PRH1: variants seen among roughly 807,000 people sequenced by gnomAD.
PRH1 encodes salivary acidic proline-rich phosphoprotein 1/2.
PRH1 carries 7 observed loss-of-function variants against 7.9 expected under a neutral mutation model. The ratio of observed to expected loss-of-function variants is 0.89; its 90% CI spans 0.50 to 1.67. The LOEUF is 1.67. Among genes scored for constraint, PRH1 ranks in the 40% most tolerant of loss-of-function variants. PRH1 has a pLI of 0.00. For missense variants in PRH1, 109 were observed against 223.6 expected (o/e 0.49, Z 3.27); for synonymous variants, 45 against 80.8 (o/e 0.56, Z 2.38).
intron 2 of PRH1, among the ~76,000 whole-genome samples, chr12:10,922,303 T>C (rs1449165312): frequency 6.6e-6 from 1 of 152,232 alleles, no homozygotes; most frequent in Non-Finnish European, 1.5e-5. Flanking sequence ...ATAAAACATG[T>C]ACTAATGGAT....
At chr12:10,902,731 AAAG>A (rs1205175712) in intron 2 of PRH1, among the ~76,000 whole-genome samples, 2 of 152,312 alleles carry the variant, frequency 1.3e-5, no homozygotes, top group African/African-American at 4.8e-5. Context: ...TTCTTAAAGG[AAAG>A]AAAATTTTCC....
chr12:10,938,729 C>T lies in PRH1; in HGVS notation c.-59+34926G>A, dbSNP rs770082368. ...ATCAGAACTGCAAGTCTTGTTTCTT[C>T]TGTATCCATTGATACTGGCATTTAT... On this transcript the variant is annotated intron_variant, in intron 2 of 3. Coordinates refer to the PRH1 transcript ENST00000539853. 20 of 1,613,736 alleles carry T rather than the reference C, an allele frequency of 1.2e-5. No homozygotes were observed. In the African/African-American group the frequency reaches 1.5e-4, roughly 12 times the overall value.
chr12:10,970,559 T>G (rs953802773), intron 2 of PRH1, among the ~76,000 whole-genome samples: 20 of 141,274 alleles, frequency 1.4e-4, no homozygotes, highest in African/African-American at 5.0e-4. Flanking sequence ...AGAAAAGTTT[T>G]TTTGTTTTTT....
In PRH1 at chr12:10,958,212, C is replaced by T. The variant is rs546014522; in HGVS notation, c.-59+15443G>A. Among the ~76,000 whole-genome samples the T allele has an allele frequency of 2.6e-5, 4 of 152,128 alleles. No homozygotes were observed. The South Asian group carries it at 8.3e-4, about 32-fold the overall frequency. ...TAAAGAAAATATGGTACATACACAC[C>T]ATGGAATACTATGCAGTCATTAGAA... On this transcript the variant is annotated intron_variant, in intron 2 of 3. Coordinates refer to the PRH1 transcript ENST00000539853.
In PRH1 at chr12:10,951,608, C is replaced by T. The variant is rs117334312; in HGVS notation, c.-59+22047G>A. 7.2e-3 allele frequency among the ~76,000 whole-genome samples: 1,088 copies of T among 152,146 alleles called. 9 individuals carry two copies. The highest frequency in any genetic ancestry group is 0.013 in the Non-Finnish European group (879 of 67,970). On this transcript the variant is annotated intron_variant, in intron 2 of 3. Transcript: ENST00000539853. ...ATTTTCCTACTCATAATTTTCAGCC[C>T]ATTTTCAATATTTATCGAACTGATC...
upstream of PRH1, chr12:11,048,524 G>A (rs200173754): frequency 9.8e-6 from 4 of 408,124 alleles, no homozygotes; most frequent in East Asian, 1.1e-4. Flanking sequence ...GATGTGATTA[G>A]ACACAGAAAG....
chr12:11,096,439 T>G (rs1323016948), intron 1 of PRH1, among the ~76,000 whole-genome samples: 1 of 115,788 alleles, frequency 8.6e-6, no homozygotes, highest in East Asian at 2.1e-4. Context: ...ACGGAGAAAC[T>G]AAACCAATAT....
chr12:10,945,247 G>A (rs544212445), intron 2 of PRH1, among the ~76,000 whole-genome samples: 4 of 152,238 alleles, frequency 2.6e-5, no homozygotes, highest in East Asian at 1.9e-4. Context: ...TTATTGGTCT[G>A]TGCAGGGAAC....
rs1945475333 is a variant in PRH1 at position 11,107,953 on chromosome 12, G to A, written n.124-60765C>T. 2.0e-5 allele frequency among the ~76,000 whole-genome samples: 3 copies of A among 152,206 alleles called. No homozygotes were observed. The South Asian group carries it at 6.2e-4, about 32-fold the overall frequency. On this transcript the variant is annotated intron_variant and non_coding_transcript_variant, in intron 1 of 4. Transcript: ENST00000541977. Reference sequence around the variant, plus strand: ...GTACAATGGAGCTCCACTACATGTGGCAGCAGACTTTTCAGTGGAAAAAGG... The same window carrying A: ...GTACAATGGAGCTCCACTACATGTGACAGCAGACTTTTCAGTGGAAAAAGG...
intron 1 of PRH1, among the ~76,000 whole-genome samples, chr12:11,149,342 T>C (rs1483680485): frequency 1.3e-5 from 2 of 152,208 alleles, no homozygotes; most frequent in African/African-American, 4.8e-5. Flanking sequence ...TTGAATGTGT[T>C]TGCTCTTGCT....
intron 1 of PRH1, chr12:10,997,756 C>T (rs968134548): frequency 6.2e-7 from 1 of 1,613,912 alleles, no homozygotes; most frequent in South Asian, 1.1e-5. Context: ...CTGAGGAGAT[C>T]TTTTGTCTCT....
At chr12:11,094,167 T>C (rs1213336512) in intron 1 of PRH1, among the ~76,000 whole-genome samples, 1 of 111,258 alleles carries the variant, frequency 9.0e-6, no homozygotes, top group African/African-American at 3.0e-5. Flanking sequence ...CAGGGCATGG[T>C]GGTGTGGGCC....
intron 1 of PRH1, among the ~76,000 whole-genome samples, chr12:11,125,806 G>A (rs34708266): frequency 0.37 from 39,020 of 104,476 alleles, 3,893 homozygotes; most frequent in East Asian, 0.65. Context: ...GCAAAATACA[G>A]ATGTGCAAAA....
intron 1 of PRH1, among the ~76,000 whole-genome samples, chr12:11,151,594 C>T (rs1203062446): frequency 6.6e-6 from 1 of 152,132 alleles, no homozygotes; most frequent in Non-Finnish European, 1.5e-5. Flanking sequence ...TCATCCTTTA[C>T]TTCCATTCCT....
intron 1 of PRH1, among the ~76,000 whole-genome samples, chr12:11,161,424 G>A (rs1184256665): frequency 2.6e-5 from 4 of 152,290 alleles, no homozygotes; most frequent in Middle Eastern, 3.4e-3. Flanking sequence ...CTGGCAACAC[G>A]ATGGCACATG....
upstream of PRH1, among the ~76,000 whole-genome samples, chr12:10,886,512 C>T (rs569839509): frequency 4.8e-4 from 73 of 152,260 alleles, no homozygotes; most frequent in African/African-American, 1.6e-3. Flanking sequence ...TCACTAGACA[C>T]ATCAAAAACA....
downstream of PRH1, among the ~76,000 whole-genome samples, chr12:11,120,077 T>G (rs1045446792): frequency 1.3e-5 from 2 of 152,220 alleles, no homozygotes; most frequent in African/African-American, 4.8e-5. Context: ...CTCAATTACA[T>G]AACTTCCAGT....
rs1452873941 is a variant in PRH1, at chr12:11,078,715, A to G, written n.124-31527T>C. The G allele has an allele frequency of 9.9e-5, 15 of 152,050 alleles. No homozygotes were observed. In the East Asian group the frequency reaches 2.7e-3, roughly 27 times the overall value. 9.4% of individuals were successfully genotyped at this position (152,050 alleles called of 1,614,324 possible). On this transcript the variant is annotated intron_variant and non_coding_transcript_variant, in intron 1 of 4. Transcript: ENST00000541977. ...CATACAGTAAATGTCTAAATTGTTA[A>G]AGGAGCTTGGTCATAACTAGGATCA...
chr12:10,887,862 C>T (rs1949516402), upstream of PRH1, among the ~76,000 whole-genome samples: 1 of 152,114 alleles, frequency 6.6e-6, no homozygotes, highest in Non-Finnish European at 1.5e-5. Context: ...GAAAATATAG[C>T]AAATTGTTCA....
Sources: gnomAD v4.1 joint callset for allele counts (sites outside exome capture counted in the v4.1 genomes callset) on GRCh38, gnomAD v4.1.1 for gene constraint, MANE v1.5 for transcripts, NCBI Gene and HGNC (gene_info 2026-07-23, HGNC 2026-07-21) for gene names.